Variants in DNAJC3 observed in about 807,000 individuals in gnomAD.
DNAJC3 encodes the protein dnaJ homolog subfamily C member 3.
A neutral mutation model predicts 68.6 loss-of-function variants in DNAJC3; 38 were observed. That is an observed-to-expected ratio of 0.55 (90% CI 0.43 to 0.73). DNAJC3 has a LOEUF of 0.73. Ranked by LOEUF, DNAJC3 falls within the 30% of genes least tolerant of loss-of-function variation. DNAJC3 has a pLI of 0.00. For synonymous variants in DNAJC3, 203 were observed against 204.0 expected (o/e 1.00, Z 0.04); for missense variants, 526 against 591.9 (o/e 0.89, Z 1.16).
chr13:95,779,088 G>A (rs574033936), intron 9 of DNAJC3, among the ~76,000 whole-genome samples: 2 of 149,846 alleles, frequency 1.3e-5, no homozygotes, highest in South Asian at 2.1e-4. Flanking sequence ...AATACATAAC[G>A]GAATTTATAA....
chr13:95,773,301 G>A (rs1179589077), intron 9 of DNAJC3, among the ~76,000 whole-genome samples: 1 of 151,770 alleles, frequency 6.6e-6, no homozygotes, highest in Non-Finnish European at 1.5e-5. Context: ...CTCCCAAGTA[G>A]CTGGGACTAC....
rs1005568644 is a variant in DNAJC3 at position 95,677,280 on chromosome 13, A to G, written c.25A>G (p.Ser9Gly). The G allele has an allele frequency of 1.9e-6, 3 of 1,602,542 alleles. No homozygotes were observed. Among genetic ancestry groups the G allele is most frequent in the Non-Finnish European group, 2.6e-6 (3 of 1,175,666 alleles). The change falls in exon 1 of 12, where the codon AGC becomes GGC. Residue 9 changes from serine to glycine, a missense_variant. Coordinates refer to ENST00000602402, the MANE Select transcript of DNAJC3 (RefSeq NM_006260.5). ...CATGGTGGCCCCCGGCTCCGTGACCAGCCGGCTGGGCTCGGTATTCCCCTT... is the reference window on the plus strand; with the variant it reads ...CATGGTGGCCCCCGGCTCCGTGACCGGCCGGCTGGGCTCGGTATTCCCCTT... MVAPGSVTSRLGSVFPFLL... is the reference protein window; with the variant it reads MVAPGSVTGRLGSVFPFLL...
At chr13:95,688,927 G>GT (rs1880141291) in intron 1 of DNAJC3, among the ~76,000 whole-genome samples, 35 of 129,752 alleles carry the variant, frequency 2.7e-4, no homozygotes, top group Admixed American at 7.9e-4. Context: ...TGATTGTGTG[G>GT]GTGTGTGTGT....
chr13:95,679,732 C>T (rs916461831), intron 1 of DNAJC3, among the ~76,000 whole-genome samples: 2 of 152,106 alleles, frequency 1.3e-5, no homozygotes, highest in Non-Finnish European at 2.9e-5. Context: ...CTGCTTCACT[C>T]TTATTAATCT....
intron 1 of DNAJC3, chr13:95,693,666 TCTAA>T (rs1880346844): frequency 6.6e-6 from 1 of 152,162 alleles, no homozygotes; most frequent in Non-Finnish European, 1.5e-5. Flanking sequence ...CTATTAGTCT[TCTAA>T]CTAATAATCT....
At chr13:95,737,696 A>G (rs1429910045) in intron 4 of DNAJC3, among the ~76,000 whole-genome samples, 2 of 150,798 alleles carry the variant, frequency 1.3e-5, no homozygotes, top group African/African-American at 4.9e-5. Flanking sequence ...TATTGTGTCT[A>G]TTTGATTCTT....
chr13:95,684,272 ACTCTT>A (rs1880010614), intron 1 of DNAJC3, among the ~76,000 whole-genome samples: 1 of 152,038 alleles, frequency 6.6e-6, no homozygotes, highest in Middle Eastern at 3.2e-3. Context: ...AGTAAAGGCC[ACTCTT>A]GCTATGCTTT....
chr13:95,782,375 CCA>C (rs1187968710), intron 9 of DNAJC3, among the ~76,000 whole-genome samples: 7 of 152,154 alleles, frequency 4.6e-5, no homozygotes, highest in African/African-American at 1.7e-4. Context: ...TGAGGAATCA[CCA>C]CACTGTCTTC....
chr13:95,705,058 G>A (rs1880694147), intron 1 of DNAJC3, among the ~76,000 whole-genome samples: 2 of 151,858 alleles, frequency 1.3e-5, no homozygotes, highest in African/African-American at 4.8e-5. Flanking sequence ...TGCCACGTTG[G>A]CCAGGCTAGT....
intron 9 of DNAJC3, among the ~76,000 whole-genome samples, chr13:95,779,299 AT>A (rs1433228368): frequency 4.0e-5 from 6 of 150,556 alleles, no homozygotes; most frequent in Admixed American, 2.0e-4. Context: ...AATTTTTTCT[AT>A]TTTTTAGTAG....
Position 95,791,702 on chromosome 13 carries a change from A to C in DNAJC3, c.*672A>C, listed in dbSNP as rs1312123384. The C allele has an allele frequency of 1.3e-5, 2 of 152,270 alleles. No homozygotes were observed. Among genetic ancestry groups the C allele is most frequent in the Non-Finnish European group, 2.9e-5 (2 of 68,076 alleles). The allele number at this position is 152,270 out of a possible 1,614,324, so 9.4% of individuals were successfully genotyped here. A position where few individuals can be genotyped will look rare whatever the true frequency, so the allele number is the denominator to read the frequency against. ...ATTTTTTTGGTTCAGTACCTGAAGA[A>C]GAATACTGAAACTTGAATCTATAAA... is the stretch of plus-strand genomic sequence containing the variant. On this transcript the variant is annotated 3_prime_UTR_variant, in exon 12 of 12. Transcript: ENST00000602402.
chr13:95,720,144 A>G (rs1881277538), intron 2 of DNAJC3, among the ~76,000 whole-genome samples: 1 of 152,178 alleles, frequency 6.6e-6, no homozygotes, highest in Non-Finnish European at 1.5e-5. Context: ...TATGTATTAT[A>G]GAATGTTATG....
chr13:95,772,041 C>T (rs566977184), intron 9 of DNAJC3, among the ~76,000 whole-genome samples: 1 of 152,312 alleles, frequency 6.6e-6, no homozygotes, highest in East Asian at 1.9e-4. Flanking sequence ...ACCCTGCGCA[C>T]CATGTGGTCT....
chr13:95,773,046 T>G (rs1883196730), intron 9 of DNAJC3, among the ~76,000 whole-genome samples: 1 of 151,954 alleles, frequency 6.6e-6, no homozygotes, highest in Non-Finnish European at 1.5e-5. Flanking sequence ...TGGTGTCATC[T>G]CTTCTTTAAA....
chr13:95,709,395 T>A, intron 2 of DNAJC3, 58 bp downstream of exon 2: 2 of 1,174,492 alleles, frequency 1.7e-6, no homozygotes, highest in Non-Finnish European at 2.4e-6. Flanking sequence ...TAGTAATAGC[T>A]CTTTTTTTAA....
intron 4 of DNAJC3, among the ~76,000 whole-genome samples, chr13:95,754,441 C>T (rs1265338822): frequency 6.6e-6 from 1 of 152,148 alleles, no homozygotes; most frequent in East Asian, 1.9e-4. Context: ...TGGTCATACT[C>T]TGTTTTTTAA....
intron 2 of DNAJC3, among the ~76,000 whole-genome samples, chr13:95,720,744 T>G (rs529833953): frequency 6.6e-6 from 1 of 152,334 alleles, no homozygotes; most frequent in Admixed American, 6.5e-5. Context: ...AAGGAAGTTA[T>G]TTAGTAAAGA....
At chr13:95,681,341 T>C (rs1320651713) in intron 1 of DNAJC3, among the ~76,000 whole-genome samples, 2 of 152,162 alleles carry the variant, frequency 1.3e-5, no homozygotes, top group Non-Finnish European at 2.9e-5. Context: ...GTCTCATTTA[T>C]CTTTATTTTT....
intron 9 of DNAJC3, among the ~76,000 whole-genome samples, chr13:95,779,255 C>T (rs1883375234): frequency 6.6e-6 from 1 of 151,090 alleles, no homozygotes; most frequent in Non-Finnish European, 1.5e-5. Context: ...TCCTGAGTAG[C>T]TGGGACTACA....
Sources: allele counts gnomAD v4.1 joint callset (sites outside exome capture counted in the v4.1 genomes callset), GRCh38; gene constraint gnomAD v4.1.1; transcripts MANE v1.5; gene names NCBI Gene and HGNC (gene_info 2026-07-23, HGNC 2026-07-21).